Variants in PSD3 observed in about 807,000 individuals in gnomAD.
PSD3 encodes the protein pleckstrin and Sec7 domain containing 3, also known as PH and SEC7 domain-containing protein 3.
PSD3 carries 49 observed loss-of-function variants against 105.5 expected under a neutral mutation model. That is an observed-to-expected ratio of 0.46 (90% CI 0.37 to 0.59). The LOEUF (loss-of-function observed/expected upper bound fraction) is 0.59, where lower values mean the gene tolerates loss of function less well. PSD3 is among the 20% of genes least tolerant of loss of function. PSD3 has a pLI of 0.00. For missense variants in PSD3, 1,561 were observed against 1,263.8 expected, an observed-to-expected ratio of 1.24 and a Z score of -3.57; for synonymous variants, 557 against 457.8, an observed-to-expected ratio of 1.22 and a Z score of -2.77.
At chr8:18,591,587 G>T (rs935201786) in intron 12 of PSD3, among the ~76,000 whole-genome samples, 2 of 152,186 alleles carry the variant, frequency 1.3e-5, no homozygotes, top group Non-Finnish European at 2.9e-5. Context: ...GCATAGCTTG[G>T]AAGCCTGAAG....
intron 9 of PSD3, among the ~76,000 whole-genome samples, chr8:18,681,526 T>G (rs1175271962): frequency 6.7e-6 from 1 of 148,166 alleles, no homozygotes; most frequent in African/African-American, 2.5e-5. Context: ...TAGATACAAG[T>G]AAGATCAATG....
chr8:18,803,893 C>G (rs758736190), intron 6 of PSD3, among the ~76,000 whole-genome samples: 1 of 151,902 alleles, frequency 6.6e-6, no homozygotes, highest in Non-Finnish European at 1.5e-5. Flanking sequence ...GTTTTTAATG[C>G]CACTCATTGT....
intron 9 of PSD3, among the ~76,000 whole-genome samples, chr8:18,696,510 G>T (rs565223423): frequency 6.6e-6 from 1 of 152,156 alleles, no homozygotes; most frequent in Non-Finnish European, 1.5e-5. Flanking sequence ...GCAGCACGTT[G>T]CTCAGCTTGT....
At chr8:18,607,092 T>G (rs1804892888) in intron 11 of PSD3, among the ~76,000 whole-genome samples, 1 of 152,158 alleles carries the variant, frequency 6.6e-6, no homozygotes, top group South Asian at 2.1e-4. Flanking sequence ...GGTCTGCTAC[T>G]CCTGTGAGGT....
At chr8:19,078,073 C>T (rs1292329597) in intron 1 of PSD3, among the ~76,000 whole-genome samples, 2 of 152,038 alleles carry the variant, frequency 1.3e-5, no homozygotes, top group African/African-American at 2.4e-5. Flanking sequence ...CTCCGTTGCC[C>T]AGGCTGGAGT....
intron 4 of PSD3, among the ~76,000 whole-genome samples, chr8:18,808,202 G>A (rs1048251087): frequency 3.9e-5 from 6 of 152,096 alleles, no homozygotes; most frequent in Admixed American, 2.6e-4. Context: ...CAAAGCCCTT[G>A]GAGTTGTGTT....
chr8:18,832,756 G>C (rs549762479), intron 4 of PSD3, among the ~76,000 whole-genome samples: 1 of 152,302 alleles, frequency 6.6e-6, no homozygotes, highest in East Asian at 1.9e-4. Flanking sequence ...AGGAGCAAAG[G>C]CATGTCTTAC....
chr8:19,074,245 C>T (rs116903947), intron 1 of PSD3, among the ~76,000 whole-genome samples: 2,218 of 152,184 alleles, frequency 0.015, 28 homozygotes, highest in Non-Finnish European at 0.023. Context: ...GTTTACAGAA[C>T]CCATTGCGGT....
At chr8:18,627,443 A>T (rs1381307909) in intron 11 of PSD3, among the ~76,000 whole-genome samples, 3 of 152,052 alleles carry the variant, frequency 2.0e-5, no homozygotes, top group Non-Finnish European at 2.9e-5. Context: ...GGCATGGGAA[A>T]AATAAAGTAG....
At chr8:18,625,849 TA>T (rs1468408734) in intron 11 of PSD3, among the ~76,000 whole-genome samples, 1 of 152,184 alleles carries the variant, frequency 6.6e-6, no homozygotes, top group Non-Finnish European at 1.5e-5. Flanking sequence ...ATGCTTAGGA[TA>T]AAGCTCTAAT....
chr8:18,950,039 T>C (rs906713552), intron 1 of PSD3, among the ~76,000 whole-genome samples: 2 of 152,192 alleles, frequency 1.3e-5, no homozygotes, highest in African/African-American at 4.8e-5. Context: ...ACATCCCAGC[T>C]TCAGGGAGGT....
intron 9 of PSD3, among the ~76,000 whole-genome samples, chr8:18,748,529 A>G (rs573035248): frequency 1.5e-4 from 23 of 152,030 alleles, no homozygotes; most frequent in African/African-American, 5.1e-4. Context: ...GCTTGGTGGC[A>G]GGCGCCTGTA....
intron 12 of PSD3, among the ~76,000 whole-genome samples, chr8:18,586,732 G>A (rs1803215560): frequency 6.6e-6 from 1 of 152,114 alleles, no homozygotes; most frequent in Non-Finnish European, 1.5e-5. Context: ...TCTGTCTCAG[G>A]CAGTACTACC....
intron 11 of PSD3, among the ~76,000 whole-genome samples, chr8:18,601,299 A>G (rs916481922): frequency 7.2e-5 from 11 of 152,160 alleles, no homozygotes; most frequent in Non-Finnish European, 1.6e-4. Context: ...ATTAAAATCT[A>G]TAACTGGAAA....
chr8:18,779,660 G>A (rs1400789150), intron 8 of PSD3, among the ~76,000 whole-genome samples: 1 of 152,004 alleles, frequency 6.6e-6, no homozygotes, highest in Non-Finnish European at 1.5e-5. Flanking sequence ...TTTGTTTCAA[G>A]AAACTTTTTG....
intron 8 of PSD3, among the ~76,000 whole-genome samples, chr8:18,770,698 G>A (rs898404228): frequency 2.6e-5 from 4 of 152,224 alleles, no homozygotes; most frequent in African/African-American, 9.6e-5. Flanking sequence ...AAGTCCCAGA[G>A]GAAGTGTTTG....
intron 1 of PSD3, among the ~76,000 whole-genome samples, chr8:18,983,187 C>T (rs1480292986): frequency 2.0e-5 from 3 of 152,230 alleles, no homozygotes; most frequent in African/African-American, 7.2e-5. Flanking sequence ...TCCAATTTTT[C>T]TTCTGCAGCT....
At chr8:18,545,155 G>A (rs1475822898) in intron 15 of PSD3, among the ~76,000 whole-genome samples, 2 of 152,112 alleles carry the variant, frequency 1.3e-5, no homozygotes, top group African/African-American at 4.8e-5. Context: ...TTTAAACTCA[G>A]TCTGTATAAG....
chr8:18,795,835 C>G (rs1243613182), intron 8 of PSD3, among the ~76,000 whole-genome samples: 1 of 152,156 alleles, frequency 6.6e-6, no homozygotes, highest in Non-Finnish European at 1.5e-5. Context: ...CCATTTCAAA[C>G]AAGGTTGAAG....
Sources: allele counts gnomAD v4.1 joint callset (sites outside exome capture counted in the v4.1 genomes callset), GRCh38; gene constraint gnomAD v4.1.1; transcripts MANE v1.5; gene names NCBI Gene and HGNC (gene_info 2026-07-23, HGNC 2026-07-21).